The following SPIN3 variants were observed in gnomAD, a reference collection of about 807,000 sequenced individuals.
SPIN3 encodes spindlin family member 3.
For missense variants in SPIN3, 176 were observed against 196.4 expected (o/e 0.90, Z 0.62); for synonymous variants, 74 against 74.3 (o/e 1.00, Z 0.02).
exon 3 of SPIN3, chrX:56,984,384 T>G (rs778106921): frequency 1.0e-4 from 32 of 304,784 alleles, no homozygotes; most frequent in African/African-American, 9.1e-4. Context: ...AAGAAGTGAG[T>G]TGCTGGTGCT....
intron 2 of SPIN3, among the ~76,000 whole-genome samples, chrX:56,985,256 C>A (rs1424003929): frequency 8.9e-6 from 1 of 111,968 alleles, no homozygotes; most frequent in Admixed American, 9.5e-5. Flanking sequence ...GAGGTCAATT[C>A]TCTGCTGAAA....
In SPIN3 at chrX:56,991,664, G is replaced by A. The variant is rs1924340880; in HGVS notation, c.*2507C>T. The A allele has an allele frequency of 8.8e-6, 1 of 113,262 alleles. No homozygotes were observed. 9.3% of individuals were successfully genotyped at this position (113,262 alleles called of 1,213,427 possible). A position where few individuals can be genotyped will look rare whatever the true frequency, so the allele number is the denominator to read the frequency against. On this transcript the variant is annotated 3_prime_UTR_variant, in exon 2 of 2. Transcript: ENST00000374919. ...ACTCTGGTCAACAAACAGGGCTGTGGCTGTCCCCTTCCAGGGAGACCAACA... is the reference window on the plus strand; with the variant it reads ...ACTCTGGTCAACAAACAGGGCTGTGACTGTCCCCTTCCAGGGAGACCAACA...
Position 56,980,967 on chromosome X carries a change from C to CT in SPIN3, c.*205-2308dup, listed in dbSNP as rs375458963. Reference sequence around the variant, plus strand: ...TAAAAAGAAACATATTAGTTAAAATCTTTTTTTTTTTTTTGGTAAGTGCCA... The same window carrying CT: ...TAAAAAGAAACATATTAGTTAAAATCTTTTTTTTTTTTTTTGGTAAGTGCCA... On this transcript the variant is annotated intron_variant and NMD_transcript_variant, in intron 3 of 5. Coordinates refer to the SPIN3 transcript ENST00000475785. Among the ~76,000 whole-genome samples, 347 of 99,445 alleles carry CT rather than the reference C, an allele frequency of 3.5e-3. 2 individuals carry two copies. Among genetic ancestry groups the CT allele is most frequent in the African/African-American group, 9.4e-3 (260 of 27,608 alleles). The allele number at this position is 99,445 out of a possible 115,157, so 86.4% of individuals were successfully genotyped here.
chrX:56,994,673 C>T lies in SPIN3; in HGVS notation c.275G>A (p.Cys92Tyr). 1 of 1,211,862 alleles carries T rather than the reference C, an allele frequency of 8.3e-7. No individual in the cohort carries two copies. The highest frequency in any genetic ancestry group is 1.1e-6 in the Non-Finnish European group (1 of 895,549). ...LYLIKYDGFD[C>Y]VYGLELHRDE... ...TCTGTGAAGTTCCAATCCATAAACA[C>T]AGTCAAATCCATCATATTTGATAAG... The change falls in exon 2 of 2, where the codon TGT becomes TAT. Residue 92 changes from cysteine to tyrosine, a missense_variant. Coordinates refer to ENST00000374919, the MANE Select transcript of SPIN3 (RefSeq NM_001010862.3).
rs1200998768 is a variant in SPIN3 at position 56,993,908 on chromosome X, T to TA, written c.*262dup. 9.6e-5 allele frequency: 28 copies of TA among 290,703 alleles called. No homozygotes were observed. The highest frequency in any genetic ancestry group is 1.3e-4 in the Non-Finnish European group (22 of 168,739). 24.0% of individuals were successfully genotyped at this position (290,703 alleles called of 1,213,427 possible). ...TTTAATCTATTAACACCACCCAAGATAAAAAAAAGTATGAGCCAATGGATG... is the reference window on the plus strand; with the variant it reads ...TTTAATCTATTAACACCACCCAAGATAAAAAAAAAGTATGAGCCAATGGATG... On this transcript the variant is annotated 3_prime_UTR_variant, in exon 2 of 2. Coordinates refer to ENST00000374919, the MANE Select transcript of SPIN3 (RefSeq NM_001010862.3).
rs778093983 is a variant in SPIN3 at position 56,992,800 on chromosome X, C to T, written c.*1371G>A. On this transcript the variant is annotated 3_prime_UTR_variant, in exon 2 of 2. Transcript: ENST00000374919. ...TCTTTCCTAGGCTTTGGTTAACCTC[C>T]GCCAATGGCTCTTTAATAATGGAAA... The T allele has an allele frequency of 2.4e-5, 6 of 255,068 alleles. No homozygotes were observed. Among genetic ancestry groups the T allele is most frequent in the South Asian group, 5.3e-4 (2 of 3,777 alleles). The allele number at this position is 255,068 out of a possible 1,213,427, so 21.0% of individuals were successfully genotyped here. A position where few individuals can be genotyped will look rare whatever the true frequency, so the allele number is the denominator to read the frequency against.
chrX:56,982,074 G>T (rs762183128), intron 3 of SPIN3: 1 of 111,765 alleles, frequency 8.9e-6, no homozygotes, highest in African/African-American at 3.2e-5. Flanking sequence ...GCCAGAGATA[G>T]ACACTTGACT....
At position 56,994,490 on chromosome X, in the gene SPIN3, G is replaced by A; in HGVS notation, c.458C>T (p.Ala153Val). The change falls in exon 2 of 2, where the codon GCT (alanine) becomes GTT (valine). Residue 153 changes from alanine to valine, a missense_variant. Transcript: ENST00000374919. ...SKNEWRGMVLAQAPVMNTWFY... is the reference protein window; with the variant it reads ...SKNEWRGMVLVQAPVMNTWFY... ...CCATGTGTTCATGACAGGTGCCTGAGCTAAGACCATCCCCCTCCATTCATT... is the reference window on the plus strand; with the variant it reads ...CCATGTGTTCATGACAGGTGCCTGAACTAAGACCATCCCCCTCCATTCATT... The A allele has an allele frequency of 3.3e-6, 4 of 1,211,772 alleles. No homozygotes were observed. Among genetic ancestry groups the A allele is most frequent in the Non-Finnish European group, 4.5e-6 (4 of 895,502 alleles).
intron 3 of SPIN3, chrX:56,984,249 A>T (rs1407589398): frequency 4.5e-6 from 1 of 222,485 alleles, no homozygotes; most frequent in Non-Finnish European, 8.4e-6. Flanking sequence ...GAGGATATTT[A>T]AAAAATAACT....
intron 1 of SPIN3, 83 bp downstream of exon 1, chrX:56,995,133 C>T: frequency 2.2e-6 from 1 of 445,518 alleles, no homozygotes; most frequent in Non-Finnish European, 3.7e-6. Flanking sequence ...TAACCTTCCT[C>T]CCCAGCTCAG....
chrX:56,982,651 G>A (rs1177267848), intron 3 of SPIN3: 1 of 110,996 alleles, frequency 9.0e-6, no homozygotes, highest in Non-Finnish European at 1.9e-5. Flanking sequence ...ATATGAAGAG[G>A]AATTCAACCA....
chrX:56,980,867 T>A lies in SPIN3; in HGVS notation c.*205-2207A>T, dbSNP rs150563880. 5.9e-4 allele frequency among the ~76,000 whole-genome samples: 66 copies of A among 111,520 alleles called. 1 individual carries two copies. In the East Asian group the frequency reaches 0.017, roughly 29 times the overall value. On this transcript the variant is annotated intron_variant and NMD_transcript_variant, in intron 3 of 5. Coordinates refer to the SPIN3 transcript ENST00000475785. Reference sequence around the variant, plus strand: ...ATTTCCATATACCCAGTTAACAATCTTCTGTACATCTAAGTAACAAATTGG... The same window carrying A: ...ATTTCCATATACCCAGTTAACAATCATCTGTACATCTAAGTAACAAATTGG...
At chrX:56,987,473 C>G (rs1224260236), downstream of SPIN3, among the ~76,000 whole-genome samples, 1 of 111,603 alleles carries the variant, frequency 9.0e-6, no homozygotes, top group Non-Finnish European at 1.9e-5. Context: ...ATCCATTGCT[C>G]TGCTTTTTTG....
intron 4 of SPIN3, chrX:56,978,573 C>T (rs189722898): frequency 7.2e-5 from 8 of 111,317 alleles, no homozygotes; most frequent in South Asian, 3.9e-4. Flanking sequence ...ATCTTGTAAA[C>T]GCTTACCTTA....
Position 56,992,478 on chromosome X carries a change from G to C in SPIN3, c.*1693C>G, listed in dbSNP as rs1317315120. The C allele has an allele frequency of 6.7e-6, 2 of 297,416 alleles. No individual in the cohort carries two copies. Among genetic ancestry groups the C allele is most frequent in the Non-Finnish European group, 1.2e-5 (2 of 170,320 alleles). The allele number at this position is 297,416 out of a possible 1,213,427, so 24.5% of individuals were successfully genotyped here. A position where few individuals can be genotyped will look rare whatever the true frequency, so the allele number is the denominator to read the frequency against. Reference sequence around the variant, plus strand: ...GACTTAGTGGCATCAAAAAGCAAAAGTAGACAGATAAAACATAGGAGAAAA... The same window carrying C: ...GACTTAGTGGCATCAAAAAGCAAAACTAGACAGATAAAACATAGGAGAAAA... On this transcript the variant is annotated 3_prime_UTR_variant, in exon 2 of 2. Transcript: ENST00000374919.
In SPIN3 at chrX:56,992,314, C is replaced by A. The variant is rs763930854; in HGVS notation, c.*1857G>T. ...AGACATAAGATTATCACAATATCAA[C>A]CTCACATCAAAAAAATTAGAAAGCA... On this transcript the variant is annotated 3_prime_UTR_variant, in exon 2 of 2. Transcript: ENST00000374919. 5 of 296,737 alleles carry A rather than the reference C, an allele frequency of 1.7e-5. No individual in the cohort carries two copies. The highest frequency in any genetic ancestry group is 1.8e-5 in the Non-Finnish European group (3 of 170,201). 24.5% of individuals were successfully genotyped at this position (296,737 alleles called of 1,213,427 possible). A position where few individuals can be genotyped will look rare whatever the true frequency, so the allele number is the denominator to read the frequency against.
intron 3 of SPIN3, among the ~76,000 whole-genome samples, chrX:56,984,083 C>T (rs1924173590): frequency 9.0e-6 from 1 of 111,494 alleles, no homozygotes; most frequent in African/African-American, 3.3e-5. Context: ...AGGCACATAC[C>T]AGCACGGCCC....
downstream of SPIN3, among the ~76,000 whole-genome samples, chrX:56,989,401 A>G (rs745717979): frequency 9.0e-6 from 1 of 111,336 alleles, no homozygotes; most frequent in African/African-American, 3.3e-5. Flanking sequence ...TGAAGAAGCT[A>G]TACTAGATAT....
chrX:56,990,056 A>T (rs1235123517), downstream of SPIN3, among the ~76,000 whole-genome samples: 2 of 107,449 alleles, frequency 1.9e-5, no homozygotes, highest in Middle Eastern at 4.7e-3. Context: ...GAGGTTAGGG[A>T]TGGAACACCT....
Sources: gnomAD v4.1 joint callset for allele counts (sites outside exome capture counted in the v4.1 genomes callset) on GRCh38, gnomAD v4.1.1 for gene constraint, MANE v1.5 for transcripts, NCBI Gene and HGNC (gene_info 2026-07-23, HGNC 2026-07-21) for gene names.